CACNG2: variants seen among roughly 807,000 people sequenced by gnomAD.
CACNG2 encodes the protein voltage-dependent calcium channel gamma-2 subunit.
A neutral mutation model predicts 25.9 loss-of-function variants in CACNG2; 3 were observed. The observed-to-expected ratio is 0.12, with a 90% CI of 0.05 to 0.30. The LOEUF is 0.30. Ranked by LOEUF, CACNG2 falls within the 10% of genes least tolerant of loss-of-function variation. The probability of loss-of-function intolerance (pLI) is 1.00; values close to 1 mark genes in which losing one functional copy is unlikely to be tolerated. For synonymous variants in CACNG2, 167 were observed against 173.3 expected, an observed-to-expected ratio of 0.96 and a Z score of 0.29; for missense variants, 341 against 432.5, an observed-to-expected ratio of 0.79 and a Z score of 1.88.
chr22:36,630,923 CAGGTTCA>C (rs1458363411), intron 1 of CACNG2, among the ~76,000 whole-genome samples: 1 of 152,092 alleles, frequency 6.6e-6, no homozygotes, highest in African/African-American at 2.4e-5. Context: ...CTCCGCCTCC[CAGGTTCA>C]AGCGATTCTT....
chr22:36,680,393 C>CCACCACCATCACTGT (rs1937093377), intron 1 of CACNG2, among the ~76,000 whole-genome samples: 1 of 148,074 alleles, frequency 6.8e-6, no homozygotes, highest in Non-Finnish European at 1.5e-5. Flanking sequence ...ACCATCACTG[C>CCACCACCATCACTGT]CACCATCACT....
At chr22:36,636,396 G>A (rs974217720) in intron 1 of CACNG2, among the ~76,000 whole-genome samples, 5 of 152,056 alleles carry the variant, frequency 3.3e-5, no homozygotes, top group Non-Finnish European at 1.5e-5. Flanking sequence ...TTGATGTTGC[G>A]CCTAGATCAG....
intron 1 of CACNG2, among the ~76,000 whole-genome samples, chr22:36,639,295 T>A (rs1436941990): frequency 3.9e-5 from 6 of 152,322 alleles, no homozygotes; most frequent in Non-Finnish European, 8.8e-5. Flanking sequence ...TTTATGATGA[T>A]TACTCAAAAG....
At chr22:36,609,381 GC>G (rs67954210) in intron 1 of CACNG2, among the ~76,000 whole-genome samples, 102 of 69,346 alleles carry the variant, frequency 1.5e-3, no homozygotes, top group East Asian at 2.4e-3. Flanking sequence ...GCGTGATCGG[GC>G]AGGAATCAGC....
chr22:36,659,505 C>T (rs1161944627), intron 1 of CACNG2, among the ~76,000 whole-genome samples: 6 of 151,998 alleles, frequency 3.9e-5, no homozygotes, highest in African/African-American at 1.5e-4. Context: ...GTTCATGAAT[C>T]CAGGAAGGGT....
chr22:36,608,889 C>T (rs1935882530), intron 1 of CACNG2, among the ~76,000 whole-genome samples: 1 of 152,104 alleles, frequency 6.6e-6, no homozygotes, highest in African/African-American at 2.4e-5. Flanking sequence ...TACCTGCTAG[C>T]TATTGTTAAT....
intron 1 of CACNG2, among the ~76,000 whole-genome samples, chr22:36,645,728 A>G (rs1287273281): frequency 6.6e-6 from 1 of 152,198 alleles, no homozygotes; most frequent in African/African-American, 2.4e-5. Flanking sequence ...GAAACATTAT[A>G]TCTCTAGAGC....
At chr22:36,673,761 T>C (rs1449780319) in intron 1 of CACNG2, among the ~76,000 whole-genome samples, 1 of 152,110 alleles carries the variant, frequency 6.6e-6, no homozygotes, top group African/African-American at 2.4e-5. Context: ...GGCCCTCACG[T>C]GGACAGAGCA....
chr22:36,692,767 C>T (rs1274473004), intron 1 of CACNG2, among the ~76,000 whole-genome samples: 1 of 152,230 alleles, frequency 6.6e-6, no homozygotes, highest in African/African-American at 2.4e-5. Flanking sequence ...ACAAGGCAGA[C>T]ATGGTCCCTG....
At chr22:36,577,545 G>A (rs1935342412) in intron 2 of CACNG2, among the ~76,000 whole-genome samples, 1 of 151,922 alleles carries the variant, frequency 6.6e-6, no homozygotes, top group Non-Finnish European at 1.5e-5. Flanking sequence ...ACCTACTTGG[G>A]AGGCTGAGGC....
intron 1 of CACNG2, among the ~76,000 whole-genome samples, chr22:36,596,245 C>T (rs1935676777): frequency 6.6e-6 from 1 of 152,180 alleles, no homozygotes; most frequent in Non-Finnish European, 1.5e-5. Context: ...CTTTGCTGCT[C>T]CTGGCTTTTT....
chr22:36,649,440 C>T (rs1243038069), intron 1 of CACNG2, among the ~76,000 whole-genome samples: 9 of 152,082 alleles, frequency 5.9e-5, no homozygotes, highest in African/African-American at 2.2e-4. Context: ...TACAGGCACC[C>T]GCCACTATGC....
intron 1 of CACNG2, among the ~76,000 whole-genome samples, chr22:36,700,136 T>C (rs965400024): frequency 2.0e-5 from 3 of 152,258 alleles, no homozygotes; most frequent in Non-Finnish European, 2.9e-5. Flanking sequence ...CCACAGTGCC[T>C]GTGCGCATCG....
At chr22:36,595,136 T>A (rs972408169) in intron 1 of CACNG2, among the ~76,000 whole-genome samples, 1 of 151,612 alleles carries the variant, frequency 6.6e-6, no homozygotes, top group African/African-American at 2.4e-5. Flanking sequence ...TGTGTGCATG[T>A]GTCTGTGTGT....
intron 2 of CACNG2, among the ~76,000 whole-genome samples, chr22:36,567,472 GT>G (rs1935144808): frequency 6.6e-6 from 1 of 152,094 alleles, no homozygotes; most frequent in South Asian, 2.1e-4. Flanking sequence ...AGAAAACAAA[GT>G]AAGAAGAGAA....
intron 1 of CACNG2, among the ~76,000 whole-genome samples, chr22:36,654,506 A>G (rs1936675670): frequency 6.6e-6 from 1 of 152,090 alleles, no homozygotes; most frequent in Non-Finnish European, 1.5e-5. Context: ...TGCTGAAATT[A>G]CAGGTGTGAC....
intron 1 of CACNG2, among the ~76,000 whole-genome samples, chr22:36,649,714 T>C (rs1031717386): frequency 1.8e-4 from 27 of 152,284 alleles, no homozygotes; most frequent in Non-Finnish European, 2.5e-4. Context: ...AATCACAGGG[T>C]GGGTTTTTCC....
chr22:36,639,371 C>T (rs190266030), intron 1 of CACNG2, among the ~76,000 whole-genome samples: 4 of 152,312 alleles, frequency 2.6e-5, no homozygotes, highest in African/African-American at 9.6e-5. Flanking sequence ...GGTCTTATAA[C>T]TGAGTGCCAC....
At position 36,564,858 on chromosome 22, in the gene CACNG2, C is replaced by T; in HGVS notation, c.465G>A (p.Val155=). The T allele has an allele frequency of 6.2e-7, 1 of 1,613,686 alleles. No homozygotes were observed. Among genetic ancestry groups the T allele is most frequent in the Non-Finnish European group, 8.5e-7 (1 of 1,179,966 alleles). Residue 155 remains valine (V), a synonymous_variant, in exon 4 of 4, where the codon GTG becomes GTA. Coordinates refer to ENST00000300105, the MANE Select transcript of CACNG2 (RefSeq NM_006078.5). This position sits in a 1 kb window ranked among gnomAD's most constrained non-coding sequence, Gnocchi z 6.7. ...AGLSNIIGII[V]YISANAGDPS... Reference sequence around the variant, plus strand: ...GGTCTCCGGCATTGGCAGATATGTACACTATGATGCCAATGATGTTACTCA... The same window carrying T: ...GGTCTCCGGCATTGGCAGATATGTATACTATGATGCCAATGATGTTACTCA...
Sources: gnomAD v4.1 joint callset for allele counts (sites outside exome capture counted in the v4.1 genomes callset) on GRCh38, gnomAD v4.1.1 for gene constraint, Gnocchi (gnomAD v3.1) non-coding constraint, MANE v1.5 for transcripts, NCBI Gene and HGNC (gene_info 2026-07-23, HGNC 2026-07-21) for gene names.